The following SMC5 variants were observed in gnomAD, a reference collection of about 807,000 sequenced individuals.
SMC5 encodes the protein structural maintenance of chromosomes 5, also known as structural maintenance of chromosomes protein 5.
In SMC5, 88 loss-of-function variants were observed where a neutral mutation model predicts 148.3. The ratio of observed to expected loss-of-function variants is 0.59; its 90% confidence interval spans 0.50 to 0.71. The LOEUF (loss-of-function observed/expected upper bound fraction) is 0.71. Among genes scored for constraint, SMC5 ranks in the 30% least tolerant of loss-of-function variants. The pLI, the probability that SMC5 is intolerant of heterozygous loss-of-function variation, is 0.00. For missense variants in SMC5, 1,142 were observed against 1,298.9 expected (o/e 0.88, Z 1.86); for synonymous variants, 421 against 432.8 (o/e 0.97, Z 0.34).
chr9:70,334,105 A>C (rs1438293221), intron 17 of SMC5, among the ~76,000 whole-genome samples: 2 of 151,764 alleles, frequency 1.3e-5, no homozygotes, highest in Admixed American at 1.3e-4. Context: ...CAAGACATCC[A>C]CATATTTATG....
intron 1 of SMC5, among the ~76,000 whole-genome samples, chr9:70,260,199 G>A (rs927680942): frequency 6.6e-6 from 1 of 152,120 alleles, no homozygotes; most frequent in Non-Finnish European, 1.5e-5. Context: ...CCGCCTCCCA[G>A]TTTCAATCAA....
intron 17 of SMC5, among the ~76,000 whole-genome samples, chr9:70,325,853 AATAG>A (rs1389638179): frequency 3.9e-5 from 6 of 152,162 alleles, no homozygotes; most frequent in Non-Finnish European, 8.8e-5. Flanking sequence ...GTAGGGAGCC[AATAG>A]ATAGTATCCC....
Position 70,318,921 on chromosome 9 carries a change from A to G in SMC5, c.2108A>G (p.Lys703Arg). 6.2e-7 allele frequency: 1 copy of G among 1,611,312 alleles called. No individual in the cohort carries two copies. Among genetic ancestry groups the G allele is most frequent in the Middle Eastern group, 1.7e-4 (1 of 6,048 alleles). Reference protein sequence around the residue: ...KKKELLERKTKKRQLEQKISS... With the variant: ...KKKELLERKTRKRQLEQKISS... ...AAGGAGCTTCTTGAGAGAAAAACCA[A>G]GAAAAGACAACTGGAACAAAAAATC... Residue 703 changes from lysine (K) to arginine (R), a missense_variant, in exon 15 of 25, where the codon AAG becomes AGG. This residue lies in a region of SMC5 where 743 missense variants were observed against 835.7 expected (regional missense o/e 0.89). Coordinates refer to ENST00000361138, the MANE Select transcript of SMC5 (RefSeq NM_015110.4).
At chr9:70,263,226 A>G (rs1220626560) in intron 1 of SMC5, among the ~76,000 whole-genome samples, 1 of 152,206 alleles carries the variant, frequency 6.6e-6, no homozygotes, top group Non-Finnish European at 1.5e-5. Flanking sequence ...AACCATAATA[A>G]AGGGCTCTTT....
chr9:70,328,270 C>G (rs2036133415), intron 17 of SMC5, among the ~76,000 whole-genome samples: 1 of 152,148 alleles, frequency 6.6e-6, no homozygotes, highest in African/African-American at 2.4e-5. Flanking sequence ...AGCATTAACT[C>G]AAAAGTCCAA....
intron 17 of SMC5, among the ~76,000 whole-genome samples, chr9:70,332,353 C>T (rs980203773): frequency 5.9e-5 from 9 of 151,740 alleles, no homozygotes; most frequent in African/African-American, 2.2e-4. Flanking sequence ...AACCCTGTCT[C>T]TACAAAAAAT....
intron 17 of SMC5, among the ~76,000 whole-genome samples, chr9:70,332,881 C>T (rs2036256329): frequency 1.3e-5 from 2 of 152,246 alleles, no homozygotes; most frequent in South Asian, 4.2e-4. Context: ...CAAAATTCAG[C>T]ATCCCTTCAT....
At chr9:70,259,853 A>G (rs1299635160) in intron 1 of SMC5, among the ~76,000 whole-genome samples, 1 of 151,144 alleles carries the variant, frequency 6.6e-6, no homozygotes, top group African/African-American at 2.4e-5. Context: ...ACAACTAGTT[A>G]CCGCTTTAGA....
rs746647548 is a variant in SMC5, at chr9:70,298,095, A to T, written c.1183A>T (p.Asn395Tyr). Residue 395 changes from asparagine (N) to tyrosine (Y), a missense_variant, in exon 9 of 25, where the codon AAT becomes TAT. Asn to Tyr is a moderately radical substitution (Grantham distance 143, BLOSUM62 -2). Around this residue, in one of 5 missense-constraint regions of SMC5, gnomAD observed 743 missense variants for 835.7 expected, o/e 0.89. Coordinates refer to ENST00000361138, the MANE Select transcript of SMC5 (RefSeq NM_015110.4). ...ACTAAAGACCACGGAAAACTGCGAG[A>T]ATCTTCAGCCCCAGATTGATGCCAT... ...NELKTTENCE[N>Y]LQPQIDAITN... 1.2e-6 allele frequency: 2 copies of T among 1,614,112 alleles called. No homozygotes were observed. The highest frequency in any genetic ancestry group is 3.3e-5 in the Admixed American group (2 of 60,022).
rs898984083 is a variant in SMC5 at position 70,353,272 on chromosome 9, C to T, written c.*941C>T. ...GGAAAAGCATTGATTTCTTTAAAAC[C>T]GTAATGTTTTTAGAACTTAAGCCTA... On this transcript the variant is annotated 3_prime_UTR_variant, in exon 25 of 25. Transcript: ENST00000361138. 4.6e-5 allele frequency: 7 copies of T among 151,812 alleles called. No individual in the cohort carries two copies. The highest frequency in any genetic ancestry group is 8.8e-5 in the Non-Finnish European group (6 of 67,930). The allele number at this position is 151,812 out of a possible 1,614,324, so 9.4% of individuals were successfully genotyped here. A position where few individuals can be genotyped will look rare whatever the true frequency, so the allele number is the denominator to read the frequency against.
intron 16 of SMC5, 83 bp downstream of exon 16, chr9:70,323,689 G>C (rs1412983840): frequency 3.0e-3 from 3,154 of 1,042,098 alleles, no homozygotes; most frequent in Non-Finnish European, 3.5e-3. Context: ...GGGAGGGAAG[G>C]TTTTGATTAA....
intron 20 of SMC5, 125 bp from the exon 21 acceptor site, chr9:70,347,485 ATAT>A: frequency 1.7e-6 from 1 of 584,890 alleles, no homozygotes; most frequent in Non-Finnish European, 3.0e-6. Flanking sequence ...ATAAGAGCAT[ATAT>A]TATTTGCATA....
chr9:70,323,282 C>T (rs752005499), intron 15 of SMC5, among the ~76,000 whole-genome samples: 1 of 152,144 alleles, frequency 6.6e-6, no homozygotes, highest in Non-Finnish European at 1.5e-5. Flanking sequence ...CCCACTTTAG[C>T]TCCTTAAGGG....
chr9:70,259,355 T>G, intron 1 of SMC5, 92 bp downstream of exon 1: 1 of 1,341,780 alleles, frequency 7.5e-7, no homozygotes, highest in South Asian at 1.5e-5. Context: ...GGCGTGTGGG[T>G]GTGTACCTGG....
intron 17 of SMC5, among the ~76,000 whole-genome samples, chr9:70,329,341 A>G (rs1196433230): frequency 6.6e-6 from 1 of 152,172 alleles, no homozygotes; most frequent in African/African-American, 2.4e-5. Flanking sequence ...TGTTTATGCA[A>G]ATGAGCATAG....
intron 18 of SMC5, among the ~76,000 whole-genome samples, chr9:70,345,740 A>G (rs1356352010): frequency 2.0e-5 from 3 of 152,128 alleles, no homozygotes; most frequent in African/African-American, 4.8e-5. Flanking sequence ...ACTCCAGTGG[A>G]GGATCTTAAA....
chr9:70,292,839 C>A (rs1328269860), intron 8 of SMC5, among the ~76,000 whole-genome samples: 1 of 151,986 alleles, frequency 6.6e-6, no homozygotes, highest in African/African-American at 2.4e-5. Context: ...ATTTTGCATC[C>A]GTCAAATAAA....
chr9:70,330,536 A>G (rs2036191413), intron 17 of SMC5, among the ~76,000 whole-genome samples: 1 of 150,086 alleles, frequency 6.7e-6, no homozygotes, highest in Non-Finnish European at 1.5e-5. Flanking sequence ...TGTAAGCTCT[A>G]CATGTAACTT....
chr9:70,350,150 A>T lies in SMC5; in HGVS notation c.2926A>T (p.Lys976Ter), dbSNP rs1438880623. 1 of 1,609,288 alleles carries T rather than the reference A, an allele frequency of 6.2e-7. No homozygotes were observed. Among genetic ancestry groups the T allele is most frequent in the Admixed American group, 1.7e-5 (1 of 59,014 alleles). The stretch of plus-strand genomic sequence containing the variant: ...TAAATATGGAATTCGAATTAGAGTC[A>T]AATTTCGAAGTAGTACTCAACTGCA... ...YDKYGIRIRV[K>*]FRSSTQLHEL... Residue 976 changes from lysine (K) to a stop codon, truncating the protein, a stop_gained, in exon 23 of 25, where the codon AAA becomes TAA. Coordinates refer to ENST00000361138, the MANE Select transcript of SMC5 (RefSeq NM_015110.4). LOFTEE classifies it high-confidence loss of function.
Sources: allele counts gnomAD v4.1 joint callset (sites outside exome capture counted in the v4.1 genomes callset), GRCh38; gene constraint gnomAD v4.1.1; regional missense constraint gnomAD v4.1.1; transcripts MANE v1.5; gene names NCBI Gene and HGNC (gene_info 2026-07-23, HGNC 2026-07-21).